Variants in SCRN1 observed in about 807,000 individuals in gnomAD.
SCRN1 encodes the protein secernin 1.
In SCRN1, 19 loss-of-function variants were observed where a neutral mutation model predicts 43.3. The ratio of observed to expected loss-of-function variants is 0.44; its 90% CI spans 0.31 to 0.64. The LOEUF (loss-of-function observed/expected upper bound fraction) is 0.64, where lower values mean the gene tolerates loss of function less well. Ranked by LOEUF, SCRN1 falls within the 30% of genes least tolerant of loss-of-function variation. SCRN1 has a pLI of 0.09. For synonymous variants in SCRN1, 183 were observed against 188.9 expected, an observed-to-expected ratio of 0.97 and a Z score of 0.26; for missense variants, 447 against 524.1, an observed-to-expected ratio of 0.85 and a Z score of 1.44.
Position 29,944,046 on chromosome 7 carries a change from T to G in SCRN1, c.475A>C (p.Ile159Leu). The G allele has an allele frequency of 6.2e-7, 1 of 1,614,210 alleles. No homozygotes were observed. Among genetic ancestry groups the G allele is most frequent in the African/African-American group, 1.3e-5 (1 of 75,044 alleles). ...SCHSFQSAYL[I>L]VDRDEAWVLE... ...ACCCAGGCTTCATCACGATCCACAA[T>G]CAGATATGCACTTTGGAAGCTGTGG... is the stretch of plus-strand genomic sequence containing the variant. Residue 159 changes from isoleucine to leucine, a missense_variant, in exon 4 of 8, where the codon ATT becomes CTT. Transcript: ENST00000242059.
intron 1 of SCRN1, among the ~76,000 whole-genome samples, chr7:29,977,425 T>C (rs567729088): frequency 3.3e-5 from 5 of 152,240 alleles, no homozygotes; most frequent in African/African-American, 1.2e-4. Context: ...TACAAATTGA[T>C]TTTTTCTGTT....
At position 29,921,274 on chromosome 7, in the gene SCRN1, G is replaced by C. The variant is rs1341503156; in HGVS notation, c.*2683C>G. 2 of 152,538 alleles carry C rather than the reference G, an allele frequency of 1.3e-5. No individual in the cohort carries two copies. Among genetic ancestry groups the C allele is most frequent in the Non-Finnish European group, 2.9e-5 (2 of 68,034 alleles). The allele number at this position is 152,538 out of a possible 1,614,324, so 9.4% of individuals were successfully genotyped here. On this transcript the variant is annotated 3_prime_UTR_variant, in exon 8 of 8. Coordinates refer to ENST00000242059, the MANE Select transcript of SCRN1 (RefSeq NM_014766.5). ...AAACATAATTTTTGTATTTCATCTT[G>C]AATATTCATGTTCCCTATACTGCCT...
At chr7:29,989,543 G>A in intron 1 of SCRN1, 99 bp downstream of exon 1, 1 of 985,240 alleles carries the variant, frequency 1.0e-6, no homozygotes, top group Non-Finnish European at 1.2e-6. Context: ...CGGAGGGACA[G>A]CGGGAGGAGA....
chr7:29,933,216 G>A (rs991840073), intron 6 of SCRN1, among the ~76,000 whole-genome samples: 2 of 152,146 alleles, frequency 1.3e-5, no homozygotes, highest in East Asian at 1.9e-4. Context: ...TTTCCTGCAT[G>A]TGGGGACCTC....
At chr7:29,946,284 C>T (rs1330686844) in intron 3 of SCRN1, among the ~76,000 whole-genome samples, 1 of 152,240 alleles carries the variant, frequency 6.6e-6, no homozygotes, top group Non-Finnish European at 1.5e-5. Context: ...AGGCACTCAT[C>T]TTACCTTGAG....
intron 1 of SCRN1, chr7:29,969,966 C>T: frequency 2.3e-6 from 1 of 432,818 alleles, no homozygotes; most frequent in East Asian, 7.1e-5. Flanking sequence ...ATTCCATCTC[C>T]TAAATCTCTA....
chr7:29,934,419 A>G (rs963437739), intron 6 of SCRN1, among the ~76,000 whole-genome samples: 1 of 152,192 alleles, frequency 6.6e-6, no homozygotes, highest in Non-Finnish European at 1.5e-5. Flanking sequence ...GAGTTGGTTC[A>G]GCTCAACTCA....
chr7:29,943,429 C>A (rs1447483116), intron 4 of SCRN1, among the ~76,000 whole-genome samples: 4 of 152,188 alleles, frequency 2.6e-5, no homozygotes. Context: ...TTTATGGGCA[C>A]TAAATTCTTC....
intron 4 of SCRN1, among the ~76,000 whole-genome samples, chr7:29,943,012 T>C (rs1787609275): frequency 6.6e-6 from 1 of 152,142 alleles, no homozygotes; most frequent in African/African-American, 2.4e-5. Flanking sequence ...TTTGGTTCAA[T>C]TCACCCCTAA....
At chr7:29,934,636 G>A (rs536887969) in intron 6 of SCRN1, among the ~76,000 whole-genome samples, 11 of 152,350 alleles carry the variant, frequency 7.2e-5, no homozygotes, top group African/African-American at 2.2e-4. Flanking sequence ...AGGGAAGACG[G>A]AGCCCCAAAT....
chr7:29,947,176 C>T, intron 3 of SCRN1: 6 of 1,548,746 alleles, frequency 3.9e-6, no homozygotes, highest in Non-Finnish European at 5.2e-6. Flanking sequence ...AAAGTGTGTG[C>T]TTTGTCCAGC....
At chr7:29,953,180 G>A (rs1788014762) in intron 3 of SCRN1, among the ~76,000 whole-genome samples, 1 of 152,182 alleles carries the variant, frequency 6.6e-6, no homozygotes, top group Admixed American at 6.5e-5. Flanking sequence ...CCATTCACGT[G>A]GCATCAAATC....
At chr7:29,955,121 C>A (rs1788087415) in intron 3 of SCRN1, 58 bp downstream of exon 3, 1 of 1,467,512 alleles carries the variant, frequency 6.8e-7, no homozygotes, top group Admixed American at 1.9e-5. Flanking sequence ...AGAAATAAAT[C>A]CTGTCCCCAT....
intron 1 of SCRN1, among the ~76,000 whole-genome samples, chr7:29,982,250 T>C (rs1286582351): frequency 6.6e-6 from 1 of 152,190 alleles, no homozygotes; most frequent in Non-Finnish European, 1.5e-5. Flanking sequence ...TGTTAGAACA[T>C]TAAGCATTCA....
chr7:29,970,668 T>G (rs964049409), intron 1 of SCRN1, among the ~76,000 whole-genome samples: 2 of 152,236 alleles, frequency 1.3e-5, no homozygotes, highest in African/African-American at 4.8e-5. Flanking sequence ...AGATTTTAAA[T>G]GAGTGATAAA....
chr7:29,961,552 G>A (rs1041983469), intron 2 of SCRN1, among the ~76,000 whole-genome samples: 2 of 150,544 alleles, frequency 1.3e-5, no homozygotes, highest in African/African-American at 2.4e-5. Context: ...AGCCGCCATT[G>A]TCATCCTGGC....
At position 29,989,674 on chromosome 7, in the gene SCRN1, CTCTGCGG is replaced by C. The variant is rs1188257759; in HGVS notation, c.-41_-35del. The C allele has an allele frequency of 7.9e-5, 78 of 985,568 alleles. No homozygotes were observed. The highest frequency in any genetic ancestry group is 5.2e-4 in the Middle Eastern group (1 of 1,936). The allele number at this position is 985,568 out of a possible 1,614,324, so 61.1% of individuals were successfully genotyped here. On this transcript the variant is annotated 5_prime_UTR_variant, in exon 1 of 8. Transcript: ENST00000242059. ...GGCGGGCTCCGGGCTCCGCTCTCCGCTCTGCGGTGCTGAGGCTGCGGCCGCCGAGGGT... is the reference window on the plus strand; with the variant it reads ...GGCGGGCTCCGGGCTCCGCTCTCCGCTGCTGAGGCTGCGGCCGCCGAGGGT...
At chr7:29,966,159 C>CAGACAGAGAGAGAGAGAG (rs1310111629) in intron 2 of SCRN1, among the ~76,000 whole-genome samples, 45 of 84,404 alleles carry the variant, frequency 5.3e-4, no homozygotes, top group Non-Finnish European at 3.6e-4. Context: ...GACCGAGAGA[C>CAGACAGAGAGAGAGAGAG]AGAGAGAGAG....
At chr7:29,942,645 T>C (rs1787594999) in intron 4 of SCRN1, among the ~76,000 whole-genome samples, 1 of 152,178 alleles carries the variant, frequency 6.6e-6, no homozygotes, top group Admixed American at 6.5e-5. Context: ...ACTGGCTGTC[T>C]TAGTTCTAGA....
Sources: gnomAD v4.1 joint callset for allele counts (sites outside exome capture counted in the v4.1 genomes callset) on GRCh38, gnomAD v4.1.1 for gene constraint, MANE v1.5 for transcripts, NCBI Gene and HGNC (gene_info 2026-07-23, HGNC 2026-07-21) for gene names.